The following GLB1L3 variants were observed in gnomAD, a reference collection of about 807,000 sequenced individuals.
GLB1L3 encodes the protein beta-galactosidase-1-like protein 3.
Under a neutral mutation model 89.5 loss-of-function variants are expected in GLB1L3, and 89 were observed. That is an observed-to-expected ratio of 0.99 (90% CI 0.84 to 1.19). The LOEUF is 1.19. Ranked by LOEUF, GLB1L3 falls within the 50% of genes most tolerant of loss-of-function variation. The pLI, the probability that GLB1L3 is intolerant of heterozygous loss-of-function variation, is 0.00. For missense variants in GLB1L3, 812 were observed against 813.3 expected, an observed-to-expected ratio of 1.00 and a Z score of 0.02; for synonymous variants, 314 against 312.3, an observed-to-expected ratio of 1.01 and a Z score of -0.06.
intron 9 of GLB1L3, among the ~76,000 whole-genome samples, chr11:134,306,922 C>T (rs551254810): frequency 1.7e-4 from 26 of 152,256 alleles, no homozygotes; most frequent in African/African-American, 6.0e-4. Flanking sequence ...AGACCATGGA[C>T]GTTTAGGAGT....
intron 3 of GLB1L3, among the ~76,000 whole-genome samples, 182 bp downstream of exon 3, chr11:134,278,094 G>A (rs1177691348): frequency 1.3e-5 from 2 of 152,176 alleles, no homozygotes. Context: ...AGTTTGCTCT[G>A]TGATCAAAGA....
chr11:134,282,211 C>A, intron 5 of GLB1L3, 91 bp downstream of exon 5: 1 of 1,408,482 alleles, frequency 7.1e-7, no homozygotes, highest in Admixed American at 2.6e-5. Context: ...GGAAAGTAAC[C>A]TTTATTCACG....
At chr11:134,308,779 A>C (rs545644509) in intron 10 of GLB1L3, among the ~76,000 whole-genome samples, 3 of 152,282 alleles carry the variant, frequency 2.0e-5, no homozygotes, top group Admixed American at 6.5e-5. Context: ...TTTTCTCATC[A>C]GTCCCATGAT....
intron 9 of GLB1L3, among the ~76,000 whole-genome samples, chr11:134,294,448 A>G (rs1286995909): frequency 6.6e-6 from 1 of 152,114 alleles, no homozygotes; most frequent in Admixed American, 6.5e-5. Context: ...GGCTATCTCT[A>G]GTTTTTCAAT....
At chr11:134,309,244 G>C (rs1321244348) in intron 10 of GLB1L3, among the ~76,000 whole-genome samples, 3 of 152,200 alleles carry the variant, frequency 2.0e-5, no homozygotes, top group Non-Finnish European at 4.4e-5. Flanking sequence ...GGATTGACAA[G>C]ATTCGGTGTC....
intron 9 of GLB1L3, among the ~76,000 whole-genome samples, chr11:134,300,172 G>T (rs1941863978): frequency 6.6e-6 from 1 of 152,026 alleles, no homozygotes; most frequent in South Asian, 2.1e-4. Flanking sequence ...TGCTGGCAGG[G>T]TAGGTTTCTT....
chr11:134,321,934 A>G (rs572015762), downstream of GLB1L3, among the ~76,000 whole-genome samples: 5 of 152,334 alleles, frequency 3.3e-5, no homozygotes, highest in Admixed American at 3.3e-4. Flanking sequence ...AAAAAGTACA[A>G]GTAGAAACAC....
At chr11:134,280,880 C>G (rs1328643753) in intron 3 of GLB1L3, among the ~76,000 whole-genome samples, 7 of 152,152 alleles carry the variant, frequency 4.6e-5, no homozygotes, top group Admixed American at 4.6e-4. Context: ...CCTGGTATAC[C>G]TAATAAAATT....
chr11:134,309,600 C>G (rs542944312), intron 10 of GLB1L3, 26 bp from the exon 11 acceptor site: 2 of 1,542,228 alleles, frequency 1.3e-6, no homozygotes, highest in Non-Finnish European at 1.8e-6. Context: ...CTAACATTCT[C>G]TGTGTTCTCA....
At chr11:134,322,448 A>G (rs571545466), downstream of GLB1L3, among the ~76,000 whole-genome samples, 7 of 152,352 alleles carry the variant, frequency 4.6e-5, no homozygotes, top group South Asian at 1.4e-3. Flanking sequence ...AAACTCTTTT[A>G]AAGTCTACAA....
intron 9 of GLB1L3, 135 bp from the exon 10 acceptor site, chr11:134,306,989 C>G (rs1591574701): frequency 3.3e-6 from 2 of 615,180 alleles, no homozygotes; most frequent in East Asian, 5.9e-5. Flanking sequence ...AATACTGGAT[C>G]AAAACGGGAA....
downstream of GLB1L3, among the ~76,000 whole-genome samples, chr11:134,324,556 C>T (rs1296084459): frequency 6.6e-6 from 1 of 152,136 alleles, no homozygotes; most frequent in Non-Finnish European, 1.5e-5. Flanking sequence ...CATAATGTGC[C>T]TAATTTTTGC....
At chr11:134,287,513 A>G (rs1482807217) in intron 6 of GLB1L3, among the ~76,000 whole-genome samples, 2 of 152,220 alleles carry the variant, frequency 1.3e-5, no homozygotes, top group Non-Finnish European at 2.9e-5. Context: ...TGTTTATTTC[A>G]CAAGGCCGAC....
intron 19 of GLB1L3, 42 bp downstream of exon 19, chr11:134,318,789 C>G: frequency 1.3e-6 from 2 of 1,548,954 alleles, no homozygotes; most frequent in African/African-American, 2.7e-5. Context: ...CATAAACTTT[C>G]AGATCAAAAT....
chr11:134,281,565 G>C (rs1398645212), intron 4 of GLB1L3, 120 bp downstream of exon 4: 1 of 962,604 alleles, frequency 1.0e-6, no homozygotes, highest in African/African-American at 1.7e-5. Flanking sequence ...CCTGTTCTAG[G>C]ACTGTGAGAG....
Position 134,276,605 on chromosome 11 carries a change from T to A in GLB1L3, c.-136T>A. ...CCGCGCCTCGGGACGGATTTCTGCC[T>A]CGGCTGCAGGCGCAGCGCGCAGACC... is the stretch of plus-strand genomic sequence containing the variant. On this transcript the variant is annotated 5_prime_UTR_variant, in exon 1 of 20. Coordinates refer to ENST00000431683, the MANE Select transcript of GLB1L3 (RefSeq NM_001080407.3). 2.5e-6 allele frequency: 2 copies of A among 801,122 alleles called. No individual in the cohort carries two copies. Among genetic ancestry groups the A allele is most frequent in the Non-Finnish European group, 1.7e-6 (1 of 593,868 alleles). The allele number at this position is 801,122 out of a possible 1,614,324, so 49.6% of individuals were successfully genotyped here.
chr11:134,308,203 T>TACCACCACCACCACCACCACCACCACC (rs1356980088), intron 10 of GLB1L3, among the ~76,000 whole-genome samples: 1 of 30,648 alleles, frequency 3.3e-5, no homozygotes, highest in African/African-American at 1.7e-4. Flanking sequence ...CCATCACCAC[T>TACCACCACCACCACCACCACCACCACC]ACCACCACCA....
intron 9 of GLB1L3, among the ~76,000 whole-genome samples, chr11:134,300,953 G>A (rs1420259661): frequency 2.6e-5 from 4 of 152,178 alleles, no homozygotes; most frequent in African/African-American, 7.2e-5. Context: ...ACAGAGACTT[G>A]CCCGGGATTC....
At chr11:134,284,026 G>C (rs1391836697) in intron 6 of GLB1L3, among the ~76,000 whole-genome samples, 181 bp downstream of exon 6, 1 of 152,132 alleles carries the variant, frequency 6.6e-6, no homozygotes, top group African/African-American at 2.4e-5. Context: ...TGTCCTTGTT[G>C]TCCGGGTAAG....
Sources: gnomAD v4.1 joint callset for allele counts (sites outside exome capture counted in the v4.1 genomes callset) on GRCh38, gnomAD v4.1.1 for gene constraint, MANE v1.5 for transcripts, NCBI Gene and HGNC (gene_info 2026-07-23, HGNC 2026-07-21) for gene names.